Variants in LIX1 observed in about 807,000 individuals in gnomAD.
LIX1 encodes the protein protein limb expression 1 homolog.
Under a neutral mutation model 33.4 loss-of-function variants are expected in LIX1, and 24 were observed. The ratio of observed to expected loss-of-function variants is 0.72; its 90% CI spans 0.52 to 1.01. The LOEUF (loss-of-function observed/expected upper bound fraction) is 1.01. LIX1 is among the 50% of genes least tolerant of loss of function. The probability of loss-of-function intolerance (pLI) is 0.00; values close to 1 mark genes in which losing one functional copy is unlikely to be tolerated. For synonymous variants in LIX1, 124 were observed against 124.0 expected, an observed-to-expected ratio of 1.00 and a Z score of 0.00; for missense variants, 311 against 339.2, an observed-to-expected ratio of 0.92 and a Z score of 0.65.
At chr5:97,141,537 A>C (rs1482641839) in intron 1 of LIX1, among the ~76,000 whole-genome samples, 1 of 152,240 alleles carries the variant, frequency 6.6e-6, no homozygotes, top group East Asian at 1.9e-4. Flanking sequence ...ATCTAAGCTA[A>C]GAGGACATCT....
intron 4 of LIX1, among the ~76,000 whole-genome samples, chr5:97,098,980 ACT>A (rs1746532427): frequency 6.6e-6 from 1 of 152,180 alleles, no homozygotes; most frequent in South Asian, 2.1e-4. Context: ...CACAGTAAGT[ACT>A]CTGAGAGCCC....
intron 1 of LIX1, among the ~76,000 whole-genome samples, chr5:97,130,727 A>G (rs1748037064): frequency 6.6e-6 from 1 of 152,216 alleles, no homozygotes; most frequent in South Asian, 2.1e-4. Context: ...TAGGAGGAAT[A>G]TTAATAATAG....
At chr5:97,134,657 G>A (rs1319189478) in intron 1 of LIX1, among the ~76,000 whole-genome samples, 2 of 152,216 alleles carry the variant, frequency 1.3e-5, no homozygotes, top group African/African-American at 2.4e-5. Context: ...AAGGTGTGAC[G>A]CTGATTTACA....
In LIX1 at chr5:97,105,255, T is replaced by C; in HGVS notation, c.418A>G (p.Thr140Ala). 6.2e-7 allele frequency: 1 copy of C among 1,614,114 alleles called. No homozygotes were observed. Among genetic ancestry groups the C allele is most frequent in the Non-Finnish European group, 8.5e-7 (1 of 1,179,986 alleles). ...ATGTAGTGATAGGCCCCAACACTGG[T>C]GCTGGGGTCATCTGCATCATCTAAG... ...GTLDDADDPS[T>A]SVGAYHYMLE... The change falls in exon 4 of 6, where the codon ACC becomes GCC. Residue 140 changes from threonine (T) to alanine (A), a missense_variant. Physicochemically the swap from Thr to Ala is moderately conservative, Grantham distance 58. Coordinates refer to ENST00000274382, the MANE Select transcript of LIX1 (RefSeq NM_153234.5).
At position 97,124,608 on chromosome 5, in the gene LIX1, T is replaced by C. The variant is rs780897337; in HGVS notation, c.104A>G (p.Gln35Arg). 11 of 1,611,126 alleles carry C rather than the reference T, an allele frequency of 6.8e-6. No individual in the cohort carries two copies. The East Asian group carries it at 1.3e-4, about 20-fold the overall frequency. ...CTGCTGCTTGCTTTCCCAAAATTCC[T>C]GTAACATTGACACAACGTTCACTGA... Reference protein sequence around the residue: ...FKDLNVVSMLQEFWESKQQQK... With the variant: ...FKDLNVVSMLREFWESKQQQK... Residue 35 changes from glutamine (Q) to arginine (R), a missense_variant, in exon 2 of 6, where the codon CAG (glutamine) becomes CGG (arginine). Coordinates refer to ENST00000274382, the MANE Select transcript of LIX1 (RefSeq NM_153234.5).
intron 3 of LIX1, among the ~76,000 whole-genome samples, chr5:97,106,291 T>C (rs925264560): frequency 3.3e-5 from 5 of 152,220 alleles, no homozygotes; most frequent in Admixed American, 3.3e-4. Context: ...AAGGCTTCCT[T>C]TCATCCTCAG....
chr5:97,134,044 T>C (rs73778005), intron 1 of LIX1, among the ~76,000 whole-genome samples: 4,814 of 152,334 alleles, frequency 0.032, 258 homozygotes, highest in African/African-American at 0.098. Context: ...GTAGAATTTC[T>C]CTTGTCGAAA....
rs193156724 is a variant in LIX1 at position 97,097,951 on chromosome 5, G to A, written c.484-1064C>T. On this transcript the variant is annotated intron_variant, in intron 4 of 5. Coordinates refer to ENST00000274382, the MANE Select transcript of LIX1 (RefSeq NM_153234.5). ...TTTACAAGAGAAGTAACTATGAAATGACCAATCCATTTTTGTCCTCTGTTT... is the reference window on the plus strand; with the variant it reads ...TTTACAAGAGAAGTAACTATGAAATAACCAATCCATTTTTGTCCTCTGTTT... 4.7e-4 allele frequency among the ~76,000 whole-genome samples: 72 copies of A among 152,292 alleles called. 1 individual carries two copies. Among genetic ancestry groups the A allele is most frequent in the Admixed American group, 3.3e-3 (51 of 15,298 alleles).
intron 2 of LIX1, among the ~76,000 whole-genome samples, chr5:97,123,354 A>G (rs1390715167): frequency 6.6e-6 from 1 of 152,082 alleles, no homozygotes; most frequent in Non-Finnish European, 1.5e-5. Context: ...CACCTTTCAC[A>G]TACCCGCTCC....
intron 1 of LIX1, among the ~76,000 whole-genome samples, chr5:97,133,265 G>C (rs1471661709): frequency 1.3e-5 from 2 of 152,214 alleles, no homozygotes; most frequent in Non-Finnish European, 2.9e-5. Flanking sequence ...AAGCCAGACT[G>C]TCTGGGTTTG....
rs1007438709 is a variant in LIX1, at chr5:97,092,429, T to C, written c.*2319A>G. The C allele has an allele frequency of 6.6e-6, 1 of 152,362 alleles. No individual in the cohort carries two copies. Among genetic ancestry groups the C allele is most frequent in the Non-Finnish European group, 1.5e-5 (1 of 68,038 alleles). The allele number at this position is 152,362 out of a possible 1,614,324, so 9.4% of individuals were successfully genotyped here. ...AAATCTGCTTTGCTCTTCAACCCTC[T>C]TTTCTCTAGGCTATAGTTAAAGATG... is the stretch of plus-strand genomic sequence containing the variant. On this transcript the variant is annotated 3_prime_UTR_variant, in exon 6 of 6. Transcript: ENST00000274382.
chr5:97,118,617 T>G (rs1300894699), intron 2 of LIX1, among the ~76,000 whole-genome samples: 2 of 152,230 alleles, frequency 1.3e-5, no homozygotes, highest in Non-Finnish European at 2.9e-5. Context: ...AAATACTTAA[T>G]GCTTGTAATG....
intron 2 of LIX1, among the ~76,000 whole-genome samples, chr5:97,121,009 T>C (rs1747769857): frequency 6.6e-6 from 1 of 152,166 alleles, no homozygotes. Context: ...GTGTCTTTTT[T>C]CCTTAATCGG....
At chr5:97,126,481 TAAG>T (rs1232889427) in intron 1 of LIX1, among the ~76,000 whole-genome samples, 18 of 152,260 alleles carry the variant, frequency 1.2e-4, no homozygotes, top group Non-Finnish European at 2.9e-5. Context: ...TTTAGTAATT[TAAG>T]AAGTGATTTG....
At chr5:97,108,687 T>C (rs1324191066) in intron 2 of LIX1, among the ~76,000 whole-genome samples, 1 of 152,026 alleles carries the variant, frequency 6.6e-6, no homozygotes, top group Non-Finnish European at 1.5e-5. Context: ...AGTCCAGGCC[T>C]GGGTCCTGGT....
intron 2 of LIX1, among the ~76,000 whole-genome samples, chr5:97,122,554 C>T (rs1197631413): frequency 1.3e-5 from 2 of 152,154 alleles, no homozygotes; most frequent in Admixed American, 6.5e-5. Flanking sequence ...AATCTTGAGA[C>T]TTTTTTAATT....
intron 2 of LIX1, among the ~76,000 whole-genome samples, chr5:97,111,688 A>C (rs1481117694): frequency 6.6e-6 from 1 of 152,224 alleles, no homozygotes. Context: ...TAGCAATTTA[A>C]ACCATCTTTT....
intron 2 of LIX1, among the ~76,000 whole-genome samples, chr5:97,116,592 A>G (rs1196664189): frequency 2.0e-5 from 3 of 152,186 alleles, no homozygotes; most frequent in South Asian, 2.1e-4. Context: ...CCGCAATGCT[A>G]TTCTACACAC....
chr5:97,111,729 A>T (rs1747405236), intron 2 of LIX1, among the ~76,000 whole-genome samples: 1 of 152,248 alleles, frequency 6.6e-6, no homozygotes, highest in Non-Finnish European at 1.5e-5. Flanking sequence ...AACACTAGTT[A>T]GATAAAAGAA....
Sources: allele counts gnomAD v4.1 joint callset (sites outside exome capture counted in the v4.1 genomes callset), GRCh38; gene constraint gnomAD v4.1.1; transcripts MANE v1.5; gene names NCBI Gene and HGNC (gene_info 2026-07-23, HGNC 2026-07-21).